The following RBPMS variants were observed in gnomAD, a reference collection of about 807,000 sequenced individuals.
RBPMS encodes RNA-binding protein with multiple splicing.
A neutral mutation model predicts 26.8 loss-of-function variants in RBPMS; 7 were observed. The ratio of observed to expected loss-of-function variants is 0.26; its 90% CI spans 0.15 to 0.49. RBPMS has a LOEUF of 0.49. Among genes scored for constraint, RBPMS ranks in the 20% least tolerant of loss-of-function variants. The pLI, the probability that RBPMS is intolerant of heterozygous loss-of-function variation, is 0.98. For synonymous variants in RBPMS, 96 were observed against 93.3 expected, an observed-to-expected ratio of 1.03 and a Z score of -0.17; for missense variants, 186 against 250.0, an observed-to-expected ratio of 0.74 and a Z score of 1.73.
chr8:30,448,611 C>T (rs933200218), intron 1 of RBPMS, among the ~76,000 whole-genome samples: 2 of 152,194 alleles, frequency 1.3e-5, no homozygotes, highest in Admixed American at 6.5e-5. Context: ...AAAAAGTATA[C>T]AGAGAGCAGT....
intron 1 of RBPMS, among the ~76,000 whole-genome samples, chr8:30,433,849 T>C (rs1812180550): frequency 6.6e-6 from 1 of 152,216 alleles, no homozygotes; most frequent in Non-Finnish European, 1.5e-5. Context: ...TCTTAGATCT[T>C]GCATGATTAT....
chr8:30,386,091 A>G (rs1319759009), intron 1 of RBPMS, among the ~76,000 whole-genome samples: 1 of 152,226 alleles, frequency 6.6e-6, no homozygotes, highest in Non-Finnish European at 1.5e-5. Context: ...TAAACATTCT[A>G]GAGGAACTTG....
intron 2 of RBPMS, 46 bp downstream of exon 2, chr8:30,474,902 T>A: frequency 7.9e-7 from 1 of 1,262,346 alleles, no homozygotes. Context: ...GACAAAAGTC[T>A]GTATGCTTTC....
At chr8:30,534,454 T>C (rs1230983285) in intron 5 of RBPMS, among the ~76,000 whole-genome samples, 1 of 152,216 alleles carries the variant, frequency 6.6e-6, no homozygotes, top group Non-Finnish European at 1.5e-5. Context: ...AATTTTAAAA[T>C]AGGATTTCAG....
chr8:30,489,495 G>A (rs1048321551), intron 4 of RBPMS, among the ~76,000 whole-genome samples: 1 of 151,946 alleles, frequency 6.6e-6, no homozygotes, highest in Non-Finnish European at 1.5e-5. Context: ...TCGCTCTGTC[G>A]CCCAGGCTGG....
At chr8:30,455,453 T>A (rs1446408320) in intron 1 of RBPMS, among the ~76,000 whole-genome samples, 1 of 151,924 alleles carries the variant, frequency 6.6e-6, no homozygotes, top group African/African-American at 2.4e-5. Flanking sequence ...AAGTAAGTCC[T>A]GACTGTGGTA....
chr8:30,498,815 T>TCC (rs1400721223), intron 4 of RBPMS, among the ~76,000 whole-genome samples: 2 of 152,134 alleles, frequency 1.3e-5, no homozygotes, highest in African/African-American at 4.8e-5. Flanking sequence ...CAAATGGTGT[T>TCC]AGATTGGAAT....
intron 6 of RBPMS, among the ~76,000 whole-genome samples, chr8:30,547,675 G>A (rs997217380): frequency 6.6e-6 from 1 of 152,200 alleles, no homozygotes; most frequent in Admixed American, 6.5e-5. Flanking sequence ...GCCAGGTCCT[G>A]GAGCCGAGGC....
intron 1 of RBPMS, among the ~76,000 whole-genome samples, chr8:30,419,207 A>G (rs1271524280): frequency 6.6e-6 from 1 of 152,068 alleles, no homozygotes; most frequent in Non-Finnish European, 1.5e-5. Flanking sequence ...GCACTTTGGG[A>G]AGCTGTGGTG....
intron 5 of RBPMS, among the ~76,000 whole-genome samples, chr8:30,529,479 G>A (rs536516120): frequency 1.3e-5 from 2 of 151,544 alleles, no homozygotes; most frequent in East Asian, 3.9e-4. Flanking sequence ...TCCAGCCTGA[G>A]CAACAAGAGC....
chr8:30,385,100 A>T lies in RBPMS; in HGVS notation c.8A>T (p.Asn3Ile). MN[N>I]GGKAEKENTP... ...CGAGGAAGGACCGGGAAGATGAACA[A>T]CGGCGGCAAAGCCGAGAAGGAGAAC... The change falls in exon 1 of 9, where the codon AAC becomes ATC. Residue 3 changes from asparagine to isoleucine, a missense_variant. Asn to Ile is a moderately radical substitution (Grantham distance 149). Coordinates refer to ENST00000397323, the MANE Select transcript of RBPMS (RefSeq NM_001008710.3). 2 of 1,523,734 alleles carry T rather than the reference A, an allele frequency of 1.3e-6. No individual in the cohort carries two copies. The highest frequency in any genetic ancestry group is 1.8e-6 in the Non-Finnish European group (2 of 1,136,926). 94.4% of individuals were successfully genotyped at this position (1,523,734 alleles called of 1,614,324 possible).
In RBPMS at chr8:30,563,377, G is replaced by A. The variant is rs377466856; in HGVS notation, c.*8-2880G>A. ...TTTCCCAGATACACTGAGAACAGGC[G>A]AGCATGAGCAACGCTGCTGTCACTC... On this transcript the variant is annotated intron_variant, in intron 7 of 8. Coordinates refer to ENST00000397323, the MANE Select transcript of RBPMS (RefSeq NM_001008710.3). 9.2e-5 allele frequency among the ~76,000 whole-genome samples: 14 copies of A among 152,234 alleles called. No homozygotes were observed. The East Asian group carries it at 1.2e-3, about 13-fold the overall frequency.
At chr8:30,455,509 T>TG (rs914963258) in intron 1 of RBPMS, among the ~76,000 whole-genome samples, 2 of 151,886 alleles carry the variant, frequency 1.3e-5, no homozygotes, top group African/African-American at 4.8e-5. Flanking sequence ...ATTGGGGCAG[T>TG]GGGGAAAGCT....
At chr8:30,502,928 G>C (rs1018197480) in intron 4 of RBPMS, among the ~76,000 whole-genome samples, 1 of 146,872 alleles carries the variant, frequency 6.8e-6, no homozygotes, top group African/African-American at 2.4e-5. Flanking sequence ...CACAGAACAG[G>C]CACTATCTGT....
intron 4 of RBPMS, among the ~76,000 whole-genome samples, chr8:30,502,929 C>T (rs150399622): frequency 6.8e-6 from 1 of 146,354 alleles, no homozygotes; most frequent in African/African-American, 2.4e-5. Flanking sequence ...ACAGAACAGG[C>T]ACTATCTGTT....
intron 1 of RBPMS, among the ~76,000 whole-genome samples, chr8:30,434,772 A>G (rs1363233371): frequency 8.1e-6 from 1 of 123,724 alleles, no homozygotes; most frequent in African/African-American, 4.0e-5. Context: ...AGTTATTCCC[A>G]TATAACACAC....
chr8:30,565,838 C>T (rs1443541120), intron 7 of RBPMS: 1 of 152,514 alleles, frequency 6.6e-6, no homozygotes, highest in Non-Finnish European at 1.5e-5. Context: ...GGTCCCATGC[C>T]TTTCCTCTGC....
rs11440225 is a variant in RBPMS, at chr8:30,536,128, CT to C, written c.398-8350del. On this transcript the variant is annotated intron_variant, in intron 5 of 8. Transcript: ENST00000397323. ...TAGTTCAATAAGAGATCATCTCTCT[CT>C]TTTTTTTTTTTTTTTGAGATGGAGT... Among the ~76,000 whole-genome samples, 1,130 of 138,164 alleles carry C rather than the reference CT, an allele frequency of 8.2e-3. 14 individuals are homozygous for C. The highest frequency in any genetic ancestry group is 0.026 in the African/African-American group (964 of 37,484). The allele number at this position is 138,164 out of a possible 152,430, so 90.6% of individuals were successfully genotyped here.
At chr8:30,566,222 G>C in intron 7 of RBPMS, 35 bp from the exon 8 acceptor site, 1 of 983,480 alleles carries the variant, frequency 1.0e-6, no homozygotes, top group South Asian at 4.7e-5. Flanking sequence ...GGAGGTTACT[G>C]TGCACCGTTA....
Sources: gnomAD v4.1 joint callset for allele counts (sites outside exome capture counted in the v4.1 genomes callset) on GRCh38, gnomAD v4.1.1 for gene constraint, MANE v1.5 for transcripts, NCBI Gene and HGNC (gene_info 2026-07-23, HGNC 2026-07-21) for gene names.